Variants in ARFGEF3 observed in about 807,000 individuals in gnomAD.
ARFGEF3 encodes the protein brefeldin A-inhibited guanine nucleotide-exchange protein 3.
A neutral mutation model predicts 221.7 loss-of-function variants in ARFGEF3; 96 were observed. The ratio of observed to expected loss-of-function variants is 0.43; its 90% confidence interval spans 0.37 to 0.51. The LOEUF (loss-of-function observed/expected upper bound fraction) is 0.51, where lower values mean the gene tolerates loss of function less well. Ranked by LOEUF, ARFGEF3 falls within the 20% of genes least tolerant of loss-of-function variation. ARFGEF3 has a pLI of 0.00. For missense variants in ARFGEF3, 2,410 were observed against 2,789.9 expected (o/e 0.86, Z 3.07); for synonymous variants, 1,145 against 1,126.8 (o/e 1.02, Z -0.32).
chr6:138,290,683 G>A (rs983088288), intron 18 of ARFGEF3, among the ~76,000 whole-genome samples: 9 of 152,296 alleles, frequency 5.9e-5, no homozygotes, highest in South Asian at 2.1e-4. Flanking sequence ...GGAACAGGGC[G>A]GGGGCTGGCC....
At chr6:138,303,860 CAAAAAAAAAAAA>C (rs140349507) in intron 22 of ARFGEF3, among the ~76,000 whole-genome samples, 2 of 20,616 alleles carry the variant, frequency 9.7e-5, no homozygotes, top group Admixed American at 7.9e-4. Flanking sequence ...GACTCCGTCT[CAAAAAAAAAAAA>C]AAAAAAAAAA....
chr6:138,246,664 A>C (rs969072893), intron 8 of ARFGEF3, among the ~76,000 whole-genome samples: 1 of 152,244 alleles, frequency 6.6e-6, no homozygotes, highest in African/African-American at 2.4e-5. Context: ...GCACAAATAG[A>C]AAATAAAATA....
chr6:138,247,256 G>C (rs1778500475), intron 8 of ARFGEF3, among the ~76,000 whole-genome samples: 1 of 152,148 alleles, frequency 6.6e-6, no homozygotes, highest in South Asian at 2.1e-4. Flanking sequence ...CAGTGGAGCT[G>C]GCACTCAGAT....
chr6:138,247,220 T>C (rs1188168430), intron 8 of ARFGEF3, among the ~76,000 whole-genome samples: 2 of 152,106 alleles, frequency 1.3e-5, no homozygotes, highest in Non-Finnish European at 2.9e-5. Context: ...TAGGTGCCCA[T>C]CTTTCCTGAC....
At chr6:138,247,347 C>T (rs928216495) in intron 8 of ARFGEF3, among the ~76,000 whole-genome samples, 1 of 152,186 alleles carries the variant, frequency 6.6e-6, no homozygotes, top group Non-Finnish European at 1.5e-5. Flanking sequence ...TTGCTTGGGA[C>T]AGTCCCAGAT....
At chr6:138,222,183 T>G (rs1383500391) in intron 4 of ARFGEF3, among the ~76,000 whole-genome samples, 1 of 152,176 alleles carries the variant, frequency 6.6e-6, no homozygotes, top group Non-Finnish European at 1.5e-5. Flanking sequence ...TTAGCTTCCC[T>G]GAGCCACATC....
chr6:138,202,476 T>C (rs1262999525), intron 2 of ARFGEF3, among the ~76,000 whole-genome samples: 1 of 152,176 alleles, frequency 6.6e-6, no homozygotes, highest in Non-Finnish European at 1.5e-5. Context: ...TCATTTCCAA[T>C]TGAAGTCAGG....
intron 29 of ARFGEF3, among the ~76,000 whole-genome samples, chr6:138,321,502 A>G (rs1780026789): frequency 6.6e-6 from 1 of 152,228 alleles, no homozygotes; most frequent in African/African-American, 2.4e-5. Context: ...ATCAGTGATC[A>G]TAAGAGAAAC....
chr6:138,306,702 T>C (rs1311462728), intron 22 of ARFGEF3, among the ~76,000 whole-genome samples: 1 of 152,068 alleles, frequency 6.6e-6, no homozygotes, highest in African/African-American at 2.4e-5. Context: ...TGGGAGGGGA[T>C]ATTTTCAGCA....
rs1780158453 is a variant in ARFGEF3, at chr6:138,328,096, A to G, written c.5077A>G (p.Ile1693Val). The change falls in exon 32 of 34, where the codon ATT becomes GTT. Residue 1693 changes from isoleucine (I) to valine (V), a missense_variant. Ile to Val is a conservative substitution (Grantham distance 29). Around this residue, in one of 5 missense-constraint regions of ARFGEF3, gnomAD observed 723 missense variants for 991.9 expected, o/e 0.73. Transcript: ENST00000251691. Reference sequence around the variant, plus strand: ...CCACGCTCAGTCCTGCCAGCTCATTATTGAGCTGCCTCCTGATGAAAAACC... The same window carrying G: ...CCACGCTCAGTCCTGCCAGCTCATTGTTGAGCTGCCTCCTGATGAAAAACC... ...FDHAQSCQLI[I>V]ELPPDEKPNG... 1.3e-6 allele frequency: 2 copies of G among 1,582,438 alleles called. No homozygotes were observed. Among genetic ancestry groups the G allele is most frequent in the Middle Eastern group, 1.7e-4 (1 of 6,032 alleles).
chr6:138,176,178 T>TG (rs936616459), intron 2 of ARFGEF3, among the ~76,000 whole-genome samples: 1 of 111,306 alleles, frequency 9.0e-6, no homozygotes, highest in African/African-American at 3.5e-5. Context: ...AGTTGGTAGT[T>TG]GGATTTTTTT....
intron 31 of ARFGEF3, among the ~76,000 whole-genome samples, chr6:138,324,931 C>A (rs1196179106): frequency 6.6e-6 from 1 of 152,200 alleles, no homozygotes; most frequent in Non-Finnish European, 1.5e-5. Context: ...AAATGCCATC[C>A]CCGAATTCAC....
At chr6:138,285,510 A>G (rs568279813) in intron 14 of ARFGEF3, among the ~76,000 whole-genome samples, 55 of 152,216 alleles carry the variant, frequency 3.6e-4, no homozygotes, top group African/African-American at 1.3e-3. Context: ...CAATCTGACT[A>G]TGTGATGATC....
At chr6:138,202,896 A>C (rs888593117) in intron 2 of ARFGEF3, among the ~76,000 whole-genome samples, 2 of 151,894 alleles carry the variant, frequency 1.3e-5, no homozygotes, top group Non-Finnish European at 2.9e-5. Context: ...ACACACATGC[A>C]CACACACCCA....
intron 8 of ARFGEF3, among the ~76,000 whole-genome samples, 179 bp from the exon 9 acceptor site, chr6:138,253,701 T>A (rs868403048): frequency 1.3e-5 from 2 of 152,210 alleles, no homozygotes; most frequent in Admixed American, 6.5e-5. Context: ...TGCTGGAGAT[T>A]AGGACTCCAA....
In ARFGEF3 at chr6:138,334,384, G is replaced by C. The variant is rs1428143831; in HGVS notation, c.5538G>C (p.Glu1846Asp). The C allele has an allele frequency of 6.2e-7, 1 of 1,613,248 alleles. No individual in the cohort carries two copies. The highest frequency in any genetic ancestry group is 1.7e-5 in the Admixed American group (1 of 59,912). Residue 1846 changes from glutamate (E) to aspartate (D), a missense_variant, in exon 33 of 34, where the codon GAG becomes GAC. Physicochemically the swap from Glu to Asp is conservative, Grantham distance 45. This residue lies in a region of ARFGEF3 where 723 missense variants were observed against 991.9 expected (regional missense o/e 0.73). Coordinates refer to ENST00000251691, the MANE Select transcript of ARFGEF3 (RefSeq NM_020340.5). The surrounding 1 kb of genome is among the most constrained non-coding windows in gnomAD (Gnocchi z 5.1). The part of the protein sequence containing the change: ...QVKKVLFEDD[E>D]RSTDSSQQCS... ...AGAAGGTCCTTTTTGAGGACGACGA[G>C]AGAAGCACGGATTCTTCCCAGCAGT... is the stretch of plus-strand genomic sequence containing the variant.
rs377343596 is a variant in ARFGEF3, at chr6:138,270,103, G to T, written c.2128+6492G>T. Among the ~76,000 whole-genome samples, 39 of 152,210 alleles carry T rather than the reference G, an allele frequency of 2.6e-4. No homozygotes were observed. In the South Asian group the frequency reaches 7.9e-3, roughly 31 times the overall value. ...GAGAGCTAAATACGGCTGCTTTCAG[G>T]AGCTCTCTGGAAGCGCCACACAACA... On this transcript the variant is annotated intron_variant, in intron 12 of 33. Coordinates refer to ENST00000251691, the MANE Select transcript of ARFGEF3 (RefSeq NM_020340.5).
intron 12 of ARFGEF3, among the ~76,000 whole-genome samples, chr6:138,266,775 G>A (rs1312319683): frequency 1.4e-5 from 2 of 143,780 alleles, no homozygotes; most frequent in African/African-American, 5.1e-5. Context: ...TGTGAACCCG[G>A]GAGGCAGAGC....
intron 8 of ARFGEF3, among the ~76,000 whole-genome samples, chr6:138,250,194 G>T (rs965219089): frequency 2.0e-5 from 3 of 152,184 alleles, no homozygotes; most frequent in African/African-American, 7.2e-5. Flanking sequence ...GTGTGTTCAT[G>T]ATATGCTTGG....
Sources: gnomAD v4.1 joint callset for allele counts (sites outside exome capture counted in the v4.1 genomes callset) on GRCh38, gnomAD v4.1.1 for gene constraint, gnomAD v4.1.1 regional missense constraint, Gnocchi (gnomAD v3.1) non-coding constraint, MANE v1.5 for transcripts, NCBI Gene and HGNC (gene_info 2026-07-23, HGNC 2026-07-21) for gene names.